AUTS2: variants seen among roughly 807,000 people sequenced by gnomAD.
The protein encoded by AUTS2 is autism susceptibility gene 2 protein.
A neutral mutation model predicts 112.4 loss-of-function variants in AUTS2; 17 were observed. That is an observed-to-expected ratio of 0.15 (90% CI 0.10 to 0.23). AUTS2 has a LOEUF of 0.23. Among genes scored for constraint, AUTS2 ranks in the 10% least tolerant of loss-of-function variants. AUTS2 has a pLI of 1.00. For missense variants in AUTS2, 1,510 were observed against 1,701.6 expected (o/e 0.89, Z 1.98); for synonymous variants, 751 against 702.7 (o/e 1.07, Z -1.09).
chr7:70,496,840 C>T (rs1450402157), intron 5 of AUTS2, among the ~76,000 whole-genome samples: 4 of 135,334 alleles, frequency 3.0e-5, no homozygotes, highest in Admixed American at 7.5e-5. Flanking sequence ...ACACACTCCA[C>T]GTACACAGTC....
chr7:69,975,879 G>T (rs549842215), intron 2 of AUTS2, among the ~76,000 whole-genome samples: 11 of 151,634 alleles, frequency 7.3e-5, no homozygotes, highest in African/African-American at 2.7e-4. Context: ...GTAGAGACAG[G>T]GTTTCACCAT....
chr7:70,550,562 T>A (rs1242614963), intron 5 of AUTS2, among the ~76,000 whole-genome samples: 3 of 152,198 alleles, frequency 2.0e-5, no homozygotes, highest in Non-Finnish European at 4.4e-5. Context: ...GAATCTTTTT[T>A]AAAATAAGTA....
At chr7:70,177,607 T>A (rs1809058440) in intron 4 of AUTS2, among the ~76,000 whole-genome samples, 1 of 152,206 alleles carries the variant, frequency 6.6e-6, no homozygotes, top group Non-Finnish European at 1.5e-5. Flanking sequence ...AACCAATATT[T>A]TACAGCTAGT....
intron 5 of AUTS2, among the ~76,000 whole-genome samples, chr7:70,557,157 CA>C (rs34725686): frequency 0.072 from 10,907 of 152,316 alleles, 450 homozygotes; most frequent in Middle Eastern, 0.11. Flanking sequence ...TCATTCTAGT[CA>C]TGCCCATGCA....
At chr7:70,572,105 A>G (rs1398761653) in intron 5 of AUTS2, among the ~76,000 whole-genome samples, 1 of 152,132 alleles carries the variant, frequency 6.6e-6, no homozygotes, top group Admixed American at 6.5e-5. Context: ...TTCTATTGTT[A>G]TGCATTCGAG....
At chr7:70,639,354 C>T (rs11977457) in intron 5 of AUTS2, among the ~76,000 whole-genome samples, 4,205 of 152,024 alleles carry the variant, frequency 0.028, 228 homozygotes, top group African/African-American at 0.097. Context: ...AGATTGAAAC[C>T]TTTCCCCCTC....
intron 8 of AUTS2, 78 bp downstream of exon 8, chr7:70,765,083 C>T (rs1016368213): frequency 8.4e-6 from 13 of 1,546,402 alleles, no homozygotes; most frequent in African/African-American, 2.7e-5. Context: ...TATGTTGTCC[C>T]GATTGCAAGG....
intron 5 of AUTS2, among the ~76,000 whole-genome samples, chr7:70,565,052 C>T (rs866656721): frequency 2.2e-4 from 34 of 151,952 alleles, no homozygotes; most frequent in Middle Eastern, 3.4e-3. Flanking sequence ...GAGCCGAGGT[C>T]GTGCCAGTGT....
chr7:70,462,846 A>G (rs1424999243), intron 5 of AUTS2, among the ~76,000 whole-genome samples: 1 of 152,106 alleles, frequency 6.6e-6, no homozygotes, highest in African/African-American at 2.4e-5. Flanking sequence ...AGTCACAGCT[A>G]CTCGGGAGGC....
intron 1 of AUTS2, among the ~76,000 whole-genome samples, chr7:69,802,932 T>C (rs1433867033): frequency 6.6e-6 from 1 of 152,232 alleles, no homozygotes; most frequent in East Asian, 1.9e-4. Context: ...AATTGTGTGT[T>C]GACTGTTCAT....
intron 1 of AUTS2, among the ~76,000 whole-genome samples, chr7:69,815,118 A>G (rs1197798820): frequency 6.6e-6 from 1 of 152,222 alleles, no homozygotes. Context: ...ATAAAATAGT[A>G]GCCCAAACTG....
At position 69,598,618 on chromosome 7, in the gene AUTS2, CG is replaced by C; in HGVS notation, c.-1032del. 1 of 172,250 alleles carries C rather than the reference CG, an allele frequency of 5.8e-6. No individual in the cohort carries two copies. The highest frequency in any genetic ancestry group is 1.0e-4 in the South Asian group (1 of 9,932). The allele number at this position is 172,250 out of a possible 1,614,324, so 10.7% of individuals were successfully genotyped here. A position where few individuals can be genotyped will look rare whatever the true frequency, so the allele number is the denominator to read the frequency against. On this transcript the variant is annotated 5_prime_UTR_variant, in exon 1 of 19. Coordinates refer to ENST00000342771, the MANE Select transcript of AUTS2 (RefSeq NM_015570.4). ...TTCCCGGCTGCGCTTCTCCCTCAGG[CG>C]GGGCGGCGAGAGAAGCGGCGGCGGC...
chr7:70,272,223 T>C lies in AUTS2; in HGVS notation c.660+137652T>C, dbSNP rs145300169. Among the ~76,000 whole-genome samples, 5 of 151,832 alleles carry C rather than the reference T, an allele frequency of 3.3e-5. No homozygotes were observed. The East Asian group carries it at 7.8e-4, about 24-fold the overall frequency. On this transcript the variant is annotated intron_variant, in intron 4 of 18. Coordinates refer to ENST00000342771, the MANE Select transcript of AUTS2 (RefSeq NM_015570.4). ...TCAAAACCAAACCAAGGGAAGTGTG[T>C]TGTAGTTAAATTAAAAAAAAAAAAA...
chr7:70,306,558 A>C (rs1211613543), intron 4 of AUTS2, among the ~76,000 whole-genome samples: 1 of 152,182 alleles, frequency 6.6e-6, no homozygotes, highest in Non-Finnish European at 1.5e-5. Flanking sequence ...TATTGAAGTG[A>C]AACATTAAAG....
intron 6 of AUTS2, among the ~76,000 whole-genome samples, chr7:70,714,512 T>C (rs1450950076): frequency 6.6e-6 from 1 of 152,212 alleles, no homozygotes; most frequent in Non-Finnish European, 1.5e-5. Flanking sequence ...ATCCATGATC[T>C]CATCTCCATG....
chr7:70,194,386 C>T lies in AUTS2; in HGVS notation c.660+59815C>T, dbSNP rs184642768. On this transcript the variant is annotated intron_variant, in intron 4 of 18. Transcript: ENST00000342771. ...GAGTGGCACTGCACTCTAACCTGGGCGACAGAGCGAGACCCTGTCTCAAAA... is the reference window on the plus strand; with the variant it reads ...GAGTGGCACTGCACTCTAACCTGGGTGACAGAGCGAGACCCTGTCTCAAAA... Among the ~76,000 whole-genome samples the T allele has an allele frequency of 1.7e-4, 26 of 151,874 alleles. No homozygotes were observed. The South Asian group carries it at 2.7e-3, about 16-fold the overall frequency.
chr7:70,373,565 G>A (rs1278112010), intron 4 of AUTS2, among the ~76,000 whole-genome samples: 2 of 152,122 alleles, frequency 1.3e-5, no homozygotes, highest in African/African-American at 4.8e-5. Context: ...ATAATCTAGA[G>A]AAGATGGAAC....
At chr7:70,755,909 CTG>C (rs1173690035) in intron 6 of AUTS2, among the ~76,000 whole-genome samples, 3 of 151,686 alleles carry the variant, frequency 2.0e-5, no homozygotes, top group Non-Finnish European at 2.9e-5. Flanking sequence ...TAATTATTTG[CTG>C]TGTTTAATAA....
intron 2 of AUTS2, among the ~76,000 whole-genome samples, chr7:70,091,995 G>A (rs1232265919): frequency 2.6e-5 from 4 of 152,162 alleles, no homozygotes; most frequent in Admixed American, 2.0e-4. Flanking sequence ...ACATTTTCTT[G>A]TAGCTATAGC....
Sources: allele counts gnomAD v4.1 joint callset (sites outside exome capture counted in the v4.1 genomes callset), GRCh38; gene constraint gnomAD v4.1.1; transcripts MANE v1.5; gene names NCBI Gene and HGNC (gene_info 2026-07-23, HGNC 2026-07-21).